Variants in GRIP1 observed in about 807,000 individuals in gnomAD.
The protein encoded by GRIP1 is glutamate receptor interacting protein 1, also known as glutamate receptor-interacting protein 1.
Under a neutral mutation model 129.9 loss-of-function variants are expected in GRIP1, and 45 were observed. The ratio of observed to expected loss-of-function variants is 0.35; its 90% CI spans 0.27 to 0.44. The LOEUF is 0.44. GRIP1 is among the 20% of genes least tolerant of loss of function. GRIP1 has a pLI of 1.00. For synonymous variants in GRIP1, 530 were observed against 520.8 expected, an observed-to-expected ratio of 1.02 and a Z score of -0.24; for missense variants, 1,196 against 1,396.8, an observed-to-expected ratio of 0.86 and a Z score of 2.29.
Position 66,875,865 on chromosome 12 carries a change from C to A in GRIP1, c.58+193185G>T, listed in dbSNP as rs370178682. Among the ~76,000 whole-genome samples, 5 of 152,106 alleles carry A rather than the reference C, an allele frequency of 3.3e-5. No homozygotes were observed. The South Asian group carries it at 6.2e-4, about 19-fold the overall frequency. ...AGATTAATATAGAATTTGTGTGCTACTAAAGAAATCATTAAAGCAGCTAAA... is the reference window on the plus strand; with the variant it reads ...AGATTAATATAGAATTTGTGTGCTAATAAAGAAATCATTAAAGCAGCTAAA... On this transcript the variant is annotated intron_variant, in intron 1 of 1. Coordinates refer to the GRIP1 transcript ENST00000643019.
At chr12:66,726,969 C>T (rs1167613269) in intron 1 of GRIP1, among the ~76,000 whole-genome samples, 1 of 152,212 alleles carries the variant, frequency 6.6e-6, no homozygotes, top group Non-Finnish European at 1.5e-5. Context: ...GTTCAGTTAA[C>T]TGACCAAATC....
chr12:66,864,034 C>A (rs1213572769), intron 1 of GRIP1, among the ~76,000 whole-genome samples: 1 of 152,084 alleles, frequency 6.6e-6, no homozygotes, highest in African/African-American at 2.4e-5. Context: ...CTCTCCAACA[C>A]TTGGCAAGAT....
At chr12:66,522,434 C>A (rs1011027845) in intron 5 of GRIP1, among the ~76,000 whole-genome samples, 1 of 152,166 alleles carries the variant, frequency 6.6e-6, no homozygotes, top group African/African-American at 2.4e-5. Context: ...GGGTTTGGAG[C>A]GGACCTCTAG....
chr12:66,445,502 A>G lies in GRIP1; in HGVS notation c.1361T>C (p.Leu454Ser), dbSNP rs1213855167. The G allele has an allele frequency of 6.2e-7, 1 of 1,612,010 alleles. No individual in the cohort carries two copies. Among genetic ancestry groups the G allele is most frequent in the African/African-American group, 1.3e-5 (1 of 74,902 alleles). ...AGCCAATCCTACTGTGCTGGAGGCT[A>G]AGGACACTAGAGGAACAAACAGAAA... Reference protein sequence around the residue: ...KKKDFKSSLSLASSTVGLAGQ... With the variant: ...KKKDFKSSLSSASSTVGLAGQ... Residue 454 changes from leucine to serine, a missense_variant, in exon 12 of 25, where the codon TTA (leucine) becomes TCA (serine). Coordinates refer to ENST00000359742, the MANE Select transcript of GRIP1 (RefSeq NM_001366722.1).
chr12:66,447,493 T>A (rs919309032), intron 11 of GRIP1, among the ~76,000 whole-genome samples: 8 of 152,244 alleles, frequency 5.3e-5, no homozygotes, highest in African/African-American at 1.7e-4. Flanking sequence ...TCATTTCCTA[T>A]AAGACTGAAA....
intron 23 of GRIP1, among the ~76,000 whole-genome samples, chr12:66,360,749 T>C (rs937537119): frequency 6.6e-6 from 1 of 152,230 alleles, no homozygotes; most frequent in African/African-American, 2.4e-5. Context: ...CCGATGCTTA[T>C]GTTTTCAGTT....
At chr12:66,832,458 T>C (rs779314694) in intron 1 of GRIP1, among the ~76,000 whole-genome samples, 1 of 152,158 alleles carries the variant, frequency 6.6e-6, no homozygotes, top group Non-Finnish European at 1.5e-5. Flanking sequence ...ATTGTATTCA[T>C]TCCATCCTTC....
intron 1 of GRIP1, among the ~76,000 whole-genome samples, chr12:66,759,543 G>C (rs10878502): frequency 0.56 from 85,684 of 152,038 alleles, 24,653 homozygotes; most frequent in East Asian, 0.77. Flanking sequence ...AAATCAGTTT[G>C]TCTTTTCTAC....
At chr12:66,979,232 A>AAAAAAC (rs1555257196) in intron 1 of GRIP1, among the ~76,000 whole-genome samples, 25 of 129,476 alleles carry the variant, frequency 1.9e-4, no homozygotes, top group Non-Finnish European at 2.6e-4. Context: ...TAAAAAAAAA[A>AAAAAAC]AAAAAAAAAA....
chr12:66,625,080 G>A lies in GRIP1; in HGVS notation c.56-28153C>T, dbSNP rs77663639. 6.7e-3 allele frequency among the ~76,000 whole-genome samples: 1,011 copies of A among 151,750 alleles called. 8 individuals are homozygous for A. Among genetic ancestry groups the A allele is most frequent in the Non-Finnish European group, 0.011 (752 of 67,912 alleles). On this transcript the variant is annotated intron_variant, in intron 1 of 24. Transcript: ENST00000359742. Reference sequence around the variant, plus strand: ...TTTATTTAAAACACAAGGCAGAAAGGTCTCAGGAAGGAAGAGACATATGTT... The same window carrying A: ...TTTATTTAAAACACAAGGCAGAAAGATCTCAGGAAGGAAGAGACATATGTT...
At chr12:66,424,169 G>A (rs1187351710) in intron 14 of GRIP1, among the ~76,000 whole-genome samples, 1 of 152,088 alleles carries the variant, frequency 6.6e-6, no homozygotes, top group Non-Finnish European at 1.5e-5. Flanking sequence ...AATCCAGCAA[G>A]GCGATGTCAT....
At chr12:66,718,227 C>T (rs1164914297) in intron 1 of GRIP1, among the ~76,000 whole-genome samples, 1 of 152,084 alleles carries the variant, frequency 6.6e-6, no homozygotes, top group African/African-American at 2.4e-5. Context: ...TCTAAGTCAC[C>T]ACTGGATACA....
chr12:66,522,688 T>C lies in GRIP1; in HGVS notation c.503-4712A>G, dbSNP rs530353454. On this transcript the variant is annotated intron_variant, in intron 5 of 24. Transcript: ENST00000359742. ...CAATGGAACAGAGCTGGATGGAGAA[T>C]GACAAGTTGAGAGAAGAAGACTTCA... Among the ~76,000 whole-genome samples the C allele has an allele frequency of 3.8e-3, 573 of 152,234 alleles. 1 individual carries two copies. Among genetic ancestry groups the C allele is most frequent in the Non-Finnish European group, 6.0e-3 (409 of 68,012 alleles).
At chr12:66,942,109 C>T (rs1343476539) in intron 1 of GRIP1, among the ~76,000 whole-genome samples, 1 of 152,132 alleles carries the variant, frequency 6.6e-6, no homozygotes, top group African/African-American at 2.4e-5. Flanking sequence ...CTGACAATGA[C>T]TATAGATAGG....
intron 1 of GRIP1, among the ~76,000 whole-genome samples, chr12:66,634,815 C>A (rs1160503190): frequency 2.6e-5 from 4 of 152,196 alleles, no homozygotes; most frequent in African/African-American, 9.6e-5. Context: ...TACGGGGTAT[C>A]ATTTGTACCA....
chr12:66,819,474 C>T (rs1487585497), intron 1 of GRIP1, among the ~76,000 whole-genome samples: 1 of 152,132 alleles, frequency 6.6e-6, no homozygotes, highest in Non-Finnish European at 1.5e-5. Context: ...AAACCATTGC[C>T]TAACGTTAAT....
chr12:66,819,716 T>C (rs1258465223), intron 1 of GRIP1, among the ~76,000 whole-genome samples: 1 of 152,198 alleles, frequency 6.6e-6, no homozygotes, highest in African/African-American at 2.4e-5. Context: ...CTAAGGAGCA[T>C]GAGCATCACT....
At chr12:66,875,934 T>G (rs2040374925) in intron 1 of GRIP1, among the ~76,000 whole-genome samples, 1 of 152,022 alleles carries the variant, frequency 6.6e-6, no homozygotes, top group Non-Finnish European at 1.5e-5. Flanking sequence ...AATATCTTAT[T>G]CAAAAATAGT....
At position 66,577,882 on chromosome 12, in the gene GRIP1, A is replaced by G. The variant is rs529550565; in HGVS notation, c.136+18965T>C. On this transcript the variant is annotated intron_variant, in intron 2 of 24. Transcript: ENST00000359742. ...AGTGAGAGGATGACTTGAGCCCAGG[A>G]GGTAAAGCTTTTAGTGAGCCATGAT... Among the ~76,000 whole-genome samples, 16 of 152,308 alleles carry G rather than the reference A, an allele frequency of 1.1e-4. No homozygotes were observed. In the South Asian group the frequency reaches 3.3e-3, roughly 32 times the overall value.
Sources: gnomAD v4.1 joint callset for allele counts (sites outside exome capture counted in the v4.1 genomes callset) on GRCh38, gnomAD v4.1.1 for gene constraint, MANE v1.5 for transcripts, NCBI Gene and HGNC (gene_info 2026-07-23, HGNC 2026-07-21) for gene names.